The following CDH18 variants were observed in gnomAD, a reference collection of about 807,000 sequenced individuals.
CDH18 encodes the protein cadherin 18.
A neutral mutation model predicts 67.9 loss-of-function variants in CDH18; 31 were observed. That is an observed-to-expected ratio of 0.46 (90% CI 0.34 to 0.62). The LOEUF is 0.62. Ranked by LOEUF, CDH18 falls within the 20% of genes least tolerant of loss-of-function variation. The pLI is 0.01. For synonymous variants in CDH18, 362 were observed against 347.2 expected, an observed-to-expected ratio of 1.04 and a Z score of -0.48; for missense variants, 890 against 975.5, an observed-to-expected ratio of 0.91 and a Z score of 1.17.
At chr5:20,330,014 A>G (rs1244937046) in intron 1 of CDH18, among the ~76,000 whole-genome samples, 2 of 152,088 alleles carry the variant, frequency 1.3e-5, no homozygotes, top group Non-Finnish European at 2.9e-5. Flanking sequence ...GATACAAATA[A>G]TGAAAAATAG....
At chr5:19,721,253 A>G in intron 5 of CDH18, 94 bp downstream of exon 5, 1 of 1,159,132 alleles carries the variant, frequency 8.6e-7, no homozygotes, top group Non-Finnish European at 1.2e-6. Flanking sequence ...AAATCACATC[A>G]TCTAATGGAA....
chr5:20,377,054 T>C (rs1743512984), intron 1 of CDH18, among the ~76,000 whole-genome samples: 1 of 151,356 alleles, frequency 6.6e-6, no homozygotes, highest in African/African-American at 2.4e-5. Flanking sequence ...GCCATAGAGA[T>C]AATGCCACAA....
At position 19,745,728 on chromosome 5, in the gene CDH18, G is replaced by A. The variant is rs141913480; in HGVS notation, c.523+1214C>T. ...GGTTCCTGTGTTCTGCTGGGGTCCAGAGGGAACGAGTTTGGCAACTGCTTT... is the reference window on the plus strand; with the variant it reads ...GGTTCCTGTGTTCTGCTGGGGTCCAAAGGGAACGAGTTTGGCAACTGCTTT... On this transcript the variant is annotated intron_variant, in intron 4 of 12. Transcript: ENST00000382275. 3.3e-3 allele frequency among the ~76,000 whole-genome samples: 502 copies of A among 152,144 alleles called. 3 individuals are homozygous for A. Among genetic ancestry groups the A allele is most frequent in the Admixed American group, 3.9e-3 (59 of 15,280 alleles).
intron 4 of CDH18, among the ~76,000 whole-genome samples, chr5:19,733,754 CT>C (rs1454046942): frequency 6.6e-6 from 1 of 152,182 alleles, no homozygotes; most frequent in East Asian, 1.9e-4. Flanking sequence ...TAACACGCCT[CT>C]TTCCACTGGA....
intron 8 of CDH18, among the ~76,000 whole-genome samples, chr5:19,560,161 A>G (rs183468040): frequency 5.9e-5 from 9 of 152,100 alleles, no homozygotes; most frequent in African/African-American, 1.9e-4. Context: ...TAGAAAAAAA[A>G]TCCTAAAATT....
rs531471164 is a variant in CDH18 at position 19,638,970 on chromosome 5, T to C, written c.644-26369A>G. 4.9e-4 allele frequency among the ~76,000 whole-genome samples: 66 copies of C among 134,970 alleles called. 1 individual carries two copies. In the South Asian group the frequency reaches 0.016, roughly 32 times the overall value. The allele number at this position is 134,970 out of a possible 152,430, so 88.5% of individuals were successfully genotyped here. On this transcript the variant is annotated intron_variant, in intron 5 of 12. Transcript: ENST00000382275. ...CCTCCCAGATCGCTGGGAAGTTTTT[T>C]GTTGCTGTTTTTTTTTTTTTTTTTT...
At chr5:20,003,237 T>C (rs1030709612) in intron 2 of CDH18, among the ~76,000 whole-genome samples, 1 of 152,180 alleles carries the variant, frequency 6.6e-6, no homozygotes, top group Admixed American at 6.5e-5. Flanking sequence ...CACAAAGTTA[T>C]TCAAATCTGC....
At chr5:20,381,250 T>A (rs1387541809) in intron 1 of CDH18, among the ~76,000 whole-genome samples, 1 of 152,222 alleles carries the variant, frequency 6.6e-6, no homozygotes, top group Non-Finnish European at 1.5e-5. Context: ...TTTGCTTAAG[T>A]CACACAGCCT....
At chr5:19,796,673 G>T (rs1776891481) in intron 3 of CDH18, among the ~76,000 whole-genome samples, 1 of 152,052 alleles carries the variant, frequency 6.6e-6, no homozygotes, top group African/African-American at 2.4e-5. Flanking sequence ...GCAATAGGCT[G>T]TTCTTTCCTT....
chr5:19,843,858 G>A (rs753568222), intron 2 of CDH18, among the ~76,000 whole-genome samples: 1 of 152,208 alleles, frequency 6.6e-6, no homozygotes, highest in Non-Finnish European at 1.5e-5. Flanking sequence ...AAGATTTAAT[G>A]ACTGTCCCGC....
At chr5:20,349,962 G>A (rs1044145210) in intron 1 of CDH18, among the ~76,000 whole-genome samples, 2 of 152,006 alleles carry the variant, frequency 1.3e-5, no homozygotes, top group Non-Finnish European at 2.9e-5. Flanking sequence ...AGTTGGCCAA[G>A]GTCAAGAAAG....
At chr5:19,473,783 A>G in intron 12 of CDH18, 67 bp from the exon 13 acceptor site, 1 of 1,327,924 alleles carries the variant, frequency 7.5e-7, no homozygotes, top group South Asian at 1.4e-5. Context: ...AGATTTTACA[A>G]CAGCAATTTC....
At chr5:20,061,475 T>C (rs1436321105) in intron 2 of CDH18, among the ~76,000 whole-genome samples, 1 of 152,184 alleles carries the variant, frequency 6.6e-6, no homozygotes, top group Non-Finnish European at 1.5e-5. Context: ...CTCATTTATT[T>C]TAATTTTAGA....
intron 2 of CDH18, among the ~76,000 whole-genome samples, chr5:19,924,710 A>G (rs1456553484): frequency 1.3e-5 from 2 of 152,222 alleles, no homozygotes; most frequent in African/African-American, 2.4e-5. Context: ...CATACAAGGT[A>G]AAACACCAGT....
At chr5:20,279,314 A>T (rs1484386657) in intron 1 of CDH18, among the ~76,000 whole-genome samples, 1 of 152,206 alleles carries the variant, frequency 6.6e-6, no homozygotes, top group South Asian at 2.1e-4. Context: ...GAAGCATATT[A>T]TGTAATGATC....
intron 2 of CDH18, among the ~76,000 whole-genome samples, chr5:20,125,433 A>G (rs1458513049): frequency 1.4e-4 from 21 of 152,154 alleles, no homozygotes. Flanking sequence ...CCACTGTAGC[A>G]TATTCATCTT....
chr5:19,579,513 T>C (rs1742869149), intron 7 of CDH18, among the ~76,000 whole-genome samples: 1 of 151,864 alleles, frequency 6.6e-6, no homozygotes, highest in African/African-American at 2.4e-5. Flanking sequence ...TAATATTGTG[T>C]TATCACCATA....
chr5:20,453,518 T>A (rs1750620075), intron 1 of CDH18, among the ~76,000 whole-genome samples: 1 of 151,992 alleles, frequency 6.6e-6, no homozygotes. Flanking sequence ...ATCCTATCAA[T>A]CAATCAACCT....
intron 2 of CDH18, among the ~76,000 whole-genome samples, chr5:19,923,597 T>C (rs1197362062): frequency 1.3e-5 from 2 of 152,280 alleles, no homozygotes; most frequent in South Asian, 2.1e-4. Flanking sequence ...AATTAAAATA[T>C]AAGAATACAT....
Sources: gnomAD v4.1 joint callset for allele counts (sites outside exome capture counted in the v4.1 genomes callset) on GRCh38, gnomAD v4.1.1 for gene constraint, MANE v1.5 for transcripts, NCBI Gene and HGNC (gene_info 2026-07-23, HGNC 2026-07-21) for gene names.